Variants in LAMA4 observed in about 807,000 individuals in gnomAD.
LAMA4 encodes the protein laminin subunit alpha 4.
In LAMA4, 127 loss-of-function variants were observed where a neutral mutation model predicts 207.1. The observed-to-expected ratio is 0.61, with a 90% CI of 0.53 to 0.71. The LOEUF is 0.71. LAMA4 is among the 30% of genes least tolerant of loss of function. The pLI is 0.00. For synonymous variants in LAMA4, 761 were observed against 816.0 expected (o/e 0.93, Z 1.15); for missense variants, 2,093 against 2,246.5 (o/e 0.93, Z 1.38).
chr6:112,139,132 C>T lies in LAMA4; in HGVS notation c.3270G>A (p.Leu1090=). The change falls in exon 24 of 39, where the codon CTG becomes CTA. Residue 1090 remains leucine, a synonymous_variant. Transcript: ENST00000230538. ...RTPADNGLIL[L]MVNGSMFFRL... ...TATTTTTACTCACTCCATTGACCAT[C>T]AGGAGAATAAGGCCGTTGTCAGCTG... 1 of 1,614,026 alleles carries T rather than the reference C, an allele frequency of 6.2e-7. No homozygotes were observed. The highest frequency in any genetic ancestry group is 8.5e-7 in the Non-Finnish European group (1 of 1,179,874).
At chr6:112,197,432 T>C (rs62413990) in intron 5 of LAMA4, among the ~76,000 whole-genome samples, 32,593 of 152,184 alleles carry the variant, frequency 0.21, 4,728 homozygotes, top group African/African-American at 0.4. Context: ...TTCGCGAATT[T>C]GCATGTAACA....
intron 12 of LAMA4, 55 bp downstream of exon 12, chr6:112,172,556 G>T: frequency 6.6e-7 from 1 of 1,523,248 alleles, no homozygotes; most frequent in Non-Finnish European, 9.1e-7. Flanking sequence ...CCCCTTCTTG[G>T]TGTACCATCA....
chr6:112,139,331 T>C, intron 23 of LAMA4, 40 bp from the exon 24 acceptor site: 2 of 1,608,180 alleles, frequency 1.2e-6, no homozygotes, highest in Non-Finnish European at 1.7e-6. Context: ...CACTACAGTT[T>C]CTGTTATGCT....
chr6:112,117,869 A>G lies in LAMA4; in HGVS notation c.4851T>C (p.Cys1617=), dbSNP rs782644723. The change falls in exon 35 of 39, where the codon TGT becomes TGC. Residue 1617 remains cysteine (C), a synonymous_variant. Coordinates refer to ENST00000230538, the MANE Select transcript of LAMA4 (RefSeq NM_001105206.3). The surrounding 1 kb of genome is among the most constrained non-coding windows in gnomAD (Gnocchi z 4.5). The part of the protein sequence containing the change: ...QINSIYSFSG[C]LSNLQLNGAS... ...CCCCATTGAGCTGGAGATTGCTGAG[A>G]CAGCCACTAAAACTGTAGATGGAGT... The G allele has an allele frequency of 6.2e-7, 1 of 1,612,322 alleles. No individual in the cohort carries two copies. Among genetic ancestry groups the G allele is most frequent in the South Asian group, 1.1e-5 (1 of 91,082 alleles).
At chr6:112,179,448 T>G (rs1158747) in intron 9 of LAMA4, 64,905 of 152,104 alleles carry the variant, frequency 0.43, 14,769 homozygotes, top group Middle Eastern at 0.6. Flanking sequence ...AGTCTGGCAT[T>G]TGGTCGAATG....
rs587601674 is a variant in LAMA4 at position 112,113,286 on chromosome 6, A to C, written c.5326+790T>G. On this transcript the variant is annotated intron_variant, in intron 38 of 38. Transcript: ENST00000230538. ...GTATCAAAATATCACATGTACCCCCAAAATATGTACAACTATGATATGTCA... is the reference window on the plus strand; with the variant it reads ...GTATCAAAATATCACATGTACCCCCCAAATATGTACAACTATGATATGTCA... 9.2e-5 allele frequency among the ~76,000 whole-genome samples: 14 copies of C among 152,326 alleles called. No individual in the cohort carries two copies. The East Asian group carries it at 2.5e-3, about 27-fold the overall frequency.
chr6:112,115,181 A>G (rs1777942021), intron 36 of LAMA4, among the ~76,000 whole-genome samples: 1 of 152,146 alleles, frequency 6.6e-6, no homozygotes, highest in South Asian at 2.1e-4. Flanking sequence ...GATAATTGGG[A>G]GGATTAAATG....
intron 30 of LAMA4, among the ~76,000 whole-genome samples, chr6:112,129,351 C>T (rs1554328813): frequency 6.6e-6 from 1 of 152,020 alleles, no homozygotes; most frequent in Non-Finnish European, 1.5e-5. Context: ...TTGGAACTGC[C>T]TCTGTTTCTT....
chr6:112,152,233 C>T (rs1314925394), intron 16 of LAMA4, among the ~76,000 whole-genome samples: 1 of 151,960 alleles, frequency 6.6e-6, no homozygotes, highest in African/African-American at 2.4e-5. Flanking sequence ...GGTGTTATTT[C>T]TTCTTTAAAT....
chr6:112,205,225 G>C (rs782043252), intron 4 of LAMA4, among the ~76,000 whole-genome samples: 4 of 152,174 alleles, frequency 2.6e-5, no homozygotes, highest in Admixed American at 6.5e-5. Context: ...AAAATATAGC[G>C]GTATGTGTTC....
rs139284679 is a variant in LAMA4 at position 112,182,774 on chromosome 6, C to T, written c.1077+2463G>A. ...ATTGGGAGAGGGCCACATCTCACCT[C>T]TGCTTGTAGCCCAGTGACACTCTGA... is the stretch of plus-strand genomic sequence containing the variant. On this transcript the variant is annotated intron_variant, in intron 9 of 38. Transcript: ENST00000230538. Among the ~76,000 whole-genome samples the T allele has an allele frequency of 3.1e-3, 466 of 152,296 alleles. 6 individuals are homozygous for T. The highest frequency in any genetic ancestry group is 0.011 in the African/African-American group (445 of 41,568).
At chr6:112,219,095 G>A (rs1562747227) in intron 2 of LAMA4, 1 of 152,154 alleles carries the variant, frequency 6.6e-6, no homozygotes, top group Non-Finnish European at 1.5e-5. Flanking sequence ...ATTTCATCAT[G>A]GCTCCAGTGA....
Position 112,142,395 on chromosome 6 carries a change from C to A in LAMA4, c.2494-103G>T. 5.0e-6 allele frequency: 5 copies of A among 991,414 alleles called. 1 individual carries two copies. The highest frequency in any genetic ancestry group is 1.3e-5 in the South Asian group (1 of 77,994). The allele number at this position is 991,414 out of a possible 1,614,324, so 61.4% of individuals were successfully genotyped here. On this transcript the variant is annotated intron_variant, in intron 19 of 38. Coordinates refer to ENST00000230538, the MANE Select transcript of LAMA4 (RefSeq NM_001105206.3). The stretch of plus-strand genomic sequence containing the variant: ...GACAGGGGCCTATAAACTCTCTTCA[C>A]CTCCATACCTGTAGTTATTTACCAC...
At position 112,217,131 on chromosome 6, in the gene LAMA4, T is replaced by G. The variant is rs1784673632; in HGVS notation, c.196-662A>C. Reference sequence around the variant, plus strand: ...ACTTTCCCTTATCCTAGTGATGAGCTCATGAGATTGAGAGGTGCTAAGTGG... The same window carrying G: ...ACTTTCCCTTATCCTAGTGATGAGCGCATGAGATTGAGAGGTGCTAAGTGG... On this transcript the variant is annotated intron_variant, in intron 2 of 38. Coordinates refer to ENST00000230538, the MANE Select transcript of LAMA4 (RefSeq NM_001105206.3). Among the ~76,000 whole-genome samples the G allele has an allele frequency of 2.0e-5, 3 of 152,206 alleles. No homozygotes were observed. The South Asian group carries it at 6.2e-4, about 32-fold the overall frequency.
chr6:112,172,749 A>C lies in LAMA4; in HGVS notation c.1413T>G (p.Phe471Leu). 1 of 1,614,106 alleles carries C rather than the reference A, an allele frequency of 6.2e-7. No homozygotes were observed. The highest frequency in any genetic ancestry group is 8.5e-7 in the Non-Finnish European group (1 of 1,180,002). The change falls in exon 12 of 39, where the codon TTT (phenylalanine) becomes TTG (leucine). Residue 471 changes from phenylalanine (F) to leucine (L), a missense_variant. Phe to Leu is a conservative substitution (Grantham distance 22). Coordinates refer to ENST00000230538, the MANE Select transcript of LAMA4 (RefSeq NM_001105206.3). ...QRLHNETRTL[F>L]PVVLEQLDDY... The stretch of plus-strand genomic sequence containing the variant: ...CATCCAGCTGCTCCAGGACGACAGG[A>C]AACAGAGTGCGGGTCTCATTGTGCA...
At chr6:112,139,979 G>C (rs963220475) in intron 22 of LAMA4, 94 bp from the exon 23 acceptor site, 1 of 1,231,612 alleles carries the variant, frequency 8.1e-7, no homozygotes, top group East Asian at 2.4e-5. Flanking sequence ...AGGTCAAGGA[G>C]ACCTACCCCT....
intron 2 of LAMA4, among the ~76,000 whole-genome samples, chr6:112,249,857 G>A (rs1787302736): frequency 6.6e-6 from 1 of 152,090 alleles, no homozygotes; most frequent in South Asian, 2.1e-4. Flanking sequence ...AGTAAGTTTT[G>A]TGCCCTACTG....
In LAMA4 at chr6:112,251,497, T is replaced by G. The variant is rs556394054; in HGVS notation, c.195+2459A>C. 3 of 152,334 alleles carry G rather than the reference T, an allele frequency of 2.0e-5. No individual in the cohort carries two copies. In the East Asian group the frequency reaches 5.8e-4, roughly 29 times the overall value. The allele number at this position is 152,334 out of a possible 1,614,324, so 9.4% of individuals were successfully genotyped here. On this transcript the variant is annotated intron_variant, in intron 2 of 38. Transcript: ENST00000230538. ...GAATAACCATTCATATAAATCCAAG[T>G]AAAGAGAATGTATTTTTAGAATATC...
chr6:112,232,946 AC>A (rs1785657861), intron 2 of LAMA4, among the ~76,000 whole-genome samples: 1 of 152,224 alleles, frequency 6.6e-6, no homozygotes, highest in Non-Finnish European at 1.5e-5. Context: ...ATCCAAGGAA[AC>A]AAAATACCAT....
Sources: allele counts gnomAD v4.1 joint callset (sites outside exome capture counted in the v4.1 genomes callset), GRCh38; gene constraint gnomAD v4.1.1; non-coding constraint Gnocchi (gnomAD v3.1); transcripts MANE v1.5; gene names NCBI Gene and HGNC (gene_info 2026-07-23, HGNC 2026-07-21).